The following KCND2 variants were observed in gnomAD, a reference collection of about 807,000 sequenced individuals.
KCND2 encodes A-type voltage-gated potassium channel KCND2.
KCND2 carries 16 observed loss-of-function variants against 54.4 expected under a neutral mutation model. The observed-to-expected ratio is 0.29, with a 90% CI of 0.20 to 0.45. The LOEUF is 0.45. Ranked by LOEUF, KCND2 falls within the 20% of genes least tolerant of loss-of-function variation. The pLI, the probability that KCND2 is intolerant of heterozygous loss-of-function variation, is 1.00. For missense variants in KCND2, 486 were observed against 824.2 expected (o/e 0.59, Z 5.02); for synonymous variants, 317 against 310.7 (o/e 1.02, Z -0.21).
At chr7:120,484,074 T>C (rs1243727846) in intron 1 of KCND2, among the ~76,000 whole-genome samples, 1 of 151,972 alleles carries the variant, frequency 6.6e-6, no homozygotes, top group East Asian at 1.9e-4. Flanking sequence ...AGGAGCAAGA[T>C]CCTGGAAGAC....
chr7:120,345,621 A>G (rs983841762), intron 1 of KCND2, among the ~76,000 whole-genome samples: 4 of 152,168 alleles, frequency 2.6e-5, no homozygotes, highest in Non-Finnish European at 2.9e-5. Context: ...CTCTCATACA[A>G]GTGGACTAGC....
chr7:120,651,002 G>A lies in KCND2; in HGVS notation c.1116-81901G>A, dbSNP rs573904334. Among the ~76,000 whole-genome samples, 9 of 143,406 alleles carry A rather than the reference G, an allele frequency of 6.3e-5. 1 individual carries two copies. The highest frequency in any genetic ancestry group is 3.4e-3 in the Middle Eastern group (1 of 292). The allele number at this position is 143,406 out of a possible 152,430, so 94.1% of individuals were successfully genotyped here. A position where few individuals can be genotyped will look rare whatever the true frequency, so the allele number is the denominator to read the frequency against. On this transcript the variant is annotated intron_variant, in intron 1 of 5. Transcript: ENST00000331113. ...CTTCATCTCAGAGGGGTACCCAACC[G>A]TGTGAGGTGTCAGTCTGCCCCTACT...
At chr7:120,377,908 C>T (rs1159864831) in intron 1 of KCND2, among the ~76,000 whole-genome samples, 3 of 151,856 alleles carry the variant, frequency 2.0e-5, no homozygotes. Flanking sequence ...TTATATGTCC[C>T]TTTTTGTATG....
At chr7:120,344,497 C>A (rs141955738) in intron 1 of KCND2, among the ~76,000 whole-genome samples, 12 of 152,210 alleles carry the variant, frequency 7.9e-5, no homozygotes, top group African/African-American at 2.9e-4. Context: ...CCAAAATAGG[C>A]TTGAGGCCGT....
rs111710323 is a variant in KCND2 at position 120,361,686 on chromosome 7, G to GT, written c.1115+85940dup. Among the ~76,000 whole-genome samples, 230 of 152,132 alleles carry GT rather than the reference G, an allele frequency of 1.5e-3. 1 individual carries two copies. The highest frequency in any genetic ancestry group is 5.3e-3 in the African/African-American group (220 of 41,534). On this transcript the variant is annotated intron_variant, in intron 1 of 5. Coordinates refer to ENST00000331113, the MANE Select transcript of KCND2 (RefSeq NM_012281.3). Reference sequence around the variant, plus strand: ...TGAAAAGCAGAAAGGCGAAGGCAGAGTGTTTAAATGTACAGCTTCAAAAAT... The same window carrying GT: ...TGAAAAGCAGAAAGGCGAAGGCAGAGTTGTTTAAATGTACAGCTTCAAAAAT...
At chr7:120,336,878 T>C (rs1343249232) in intron 1 of KCND2, among the ~76,000 whole-genome samples, 1 of 152,150 alleles carries the variant, frequency 6.6e-6, no homozygotes, top group African/African-American at 2.4e-5. Context: ...CCTAAAACAC[T>C]AAAATTAAAT....
intron 1 of KCND2, among the ~76,000 whole-genome samples, chr7:120,672,311 A>G (rs1792002231): frequency 6.6e-6 from 1 of 152,088 alleles, no homozygotes; most frequent in Non-Finnish European, 1.5e-5. Flanking sequence ...CTCAAACTCT[A>G]AAATTCTACT....
chr7:120,426,828 G>A (rs1801715090), intron 1 of KCND2, among the ~76,000 whole-genome samples: 1 of 151,992 alleles, frequency 6.6e-6, no homozygotes. Context: ...CACTGTGTTA[G>A]CCAGGATGGT....
At chr7:120,384,790 CT>C (rs1305744080) in intron 1 of KCND2, among the ~76,000 whole-genome samples, 2 of 152,078 alleles carry the variant, frequency 1.3e-5, no homozygotes, top group Non-Finnish European at 2.9e-5. Context: ...CTTGTCAGAA[CT>C]TAATAACATG....
intron 1 of KCND2, among the ~76,000 whole-genome samples, chr7:120,366,439 G>A (rs147655447): frequency 0.046 from 6,611 of 143,908 alleles, 226 homozygotes; most frequent in Non-Finnish European, 0.066. Flanking sequence ...AGTGAGCTGA[G>A]ATTGTGCCAC....
intron 1 of KCND2, among the ~76,000 whole-genome samples, chr7:120,313,374 G>A: frequency 6.6e-6 from 1 of 152,126 alleles, no homozygotes; most frequent in East Asian, 1.9e-4. Flanking sequence ...ATAGATAATA[G>A]GCAGCTTGTT....
At chr7:120,339,281 C>G (rs1800204282) in intron 1 of KCND2, among the ~76,000 whole-genome samples, 1 of 151,722 alleles carries the variant, frequency 6.6e-6, no homozygotes, top group Non-Finnish European at 1.5e-5. Flanking sequence ...TGTAAAATGT[C>G]CCCCATTACT....
intron 1 of KCND2, among the ~76,000 whole-genome samples, chr7:120,696,037 C>T (rs1254305904): frequency 6.6e-6 from 1 of 152,144 alleles, no homozygotes; most frequent in Non-Finnish European, 1.5e-5. Flanking sequence ...GGAAACCACT[C>T]CTGGGAACAT....
rs900880097 is a variant in KCND2 at position 120,750,323 on chromosome 7, T to C, written c.*2465T>C. On this transcript the variant is annotated 3_prime_UTR_variant, in exon 6 of 6. Transcript: ENST00000331113. ...ATACTTAAATAAAACATGTGCATGC[T>C]TGAACAGGACAAAATGTTGACTGTT... The C allele has an allele frequency of 6.6e-6, 1 of 152,370 alleles. No homozygotes were observed. Among genetic ancestry groups the C allele is most frequent in the African/African-American group, 2.4e-5 (1 of 41,434 alleles). 9.4% of individuals were successfully genotyped at this position (152,370 alleles called of 1,614,324 possible).
chr7:120,502,731 TAG>T (rs1802954909), intron 1 of KCND2, among the ~76,000 whole-genome samples: 1 of 152,092 alleles, frequency 6.6e-6, no homozygotes, highest in South Asian at 2.1e-4. Context: ...TCTTTGCTAC[TAG>T]ATTTCCTGAG....
At chr7:120,348,505 A>G (rs377372357) in intron 1 of KCND2, among the ~76,000 whole-genome samples, 8 of 152,240 alleles carry the variant, frequency 5.3e-5, no homozygotes, top group African/African-American at 1.9e-4. Context: ...CAAAGGCTAC[A>G]TCATCTTATC....
intron 1 of KCND2, among the ~76,000 whole-genome samples, chr7:120,385,683 C>T (rs982749996): frequency 1.3e-5 from 2 of 152,120 alleles, no homozygotes; most frequent in African/African-American, 2.4e-5. Flanking sequence ...CATTTGCAGA[C>T]TCATTAATGC....
chr7:120,625,586 A>G (rs907026095), intron 1 of KCND2, among the ~76,000 whole-genome samples: 2 of 152,218 alleles, frequency 1.3e-5, no homozygotes, highest in South Asian at 4.1e-4. Flanking sequence ...AACTCATACT[A>G]TATATTTGGG....
At chr7:120,637,299 G>A (rs969638542) in intron 1 of KCND2, among the ~76,000 whole-genome samples, 1 of 152,034 alleles carries the variant, frequency 6.6e-6, no homozygotes, top group Non-Finnish European at 1.5e-5. Flanking sequence ...TAAGTCTAAG[G>A]ATTAAGTCCC....
Sources: allele counts gnomAD v4.1 joint callset (sites outside exome capture counted in the v4.1 genomes callset), GRCh38; gene constraint gnomAD v4.1.1; transcripts MANE v1.5; gene names NCBI Gene and HGNC (gene_info 2026-07-23, HGNC 2026-07-21).